The following SNTG1 variants were observed in gnomAD, a reference collection of about 807,000 sequenced individuals.
SNTG1 encodes gamma-1-syntrophin.
A neutral mutation model predicts 74.7 loss-of-function variants in SNTG1; 39 were observed. The observed-to-expected ratio is 0.52, with a 90% CI of 0.40 to 0.68. The LOEUF (loss-of-function observed/expected upper bound fraction) is 0.68. Among genes scored for constraint, SNTG1 ranks in the 30% least tolerant of loss-of-function variants. SNTG1 has a pLI of 0.00. For missense variants in SNTG1, 685 were observed against 609.5 expected (o/e 1.12, Z -1.30); for synonymous variants, 254 against 217.1 (o/e 1.17, Z -1.49).
At chr8:50,570,059 T>G (rs1371961807) in intron 12 of SNTG1, among the ~76,000 whole-genome samples, 2 of 152,020 alleles carry the variant, frequency 1.3e-5, no homozygotes, top group African/African-American at 2.4e-5. Context: ...AATAGCCTGC[T>G]TTGTAGCTTG....
intron 1 of SNTG1, among the ~76,000 whole-genome samples, chr8:50,075,654 C>G (rs1586161294): frequency 6.6e-6 from 1 of 152,154 alleles, no homozygotes; most frequent in African/African-American, 2.4e-5. Flanking sequence ...TTTGTTCTTT[C>G]AGTAAATCTT....
chr8:49,991,115 T>G (rs1323869636), intron 1 of SNTG1, among the ~76,000 whole-genome samples: 1 of 152,118 alleles, frequency 6.6e-6, no homozygotes, highest in Non-Finnish European at 1.5e-5. Flanking sequence ...ATAATTTAAC[T>G]TAAAATGGAC....
At chr8:50,284,203 T>A (rs1586954115) in intron 2 of SNTG1, among the ~76,000 whole-genome samples, 1 of 152,276 alleles carries the variant, frequency 6.6e-6, no homozygotes, top group East Asian at 1.9e-4. Context: ...TATGAATAGA[T>A]AAACATATTC....
chr8:50,739,321 A>G (rs2095537213), intron 17 of SNTG1, among the ~76,000 whole-genome samples: 1 of 152,160 alleles, frequency 6.6e-6, no homozygotes, highest in Non-Finnish European at 1.5e-5. Context: ...AAAGCTCATC[A>G]TCACTGGTCT....
At chr8:50,703,028 G>A (rs1018920105) in intron 15 of SNTG1, among the ~76,000 whole-genome samples, 2 of 152,140 alleles carry the variant, frequency 1.3e-5, no homozygotes, top group African/African-American at 4.8e-5. Flanking sequence ...TGAGTGATGA[G>A]TAAATGTGAA....
intron 1 of SNTG1, among the ~76,000 whole-genome samples, chr8:50,013,828 A>T (rs2035528): frequency 6.6e-6 from 1 of 151,904 alleles, no homozygotes; most frequent in Non-Finnish European, 1.5e-5. Flanking sequence ...CAGGGATTTT[A>T]TAAATACCCA....
Position 50,362,163 on chromosome 8 carries a change from G to A in SNTG1, c.-27-32049G>A, listed in dbSNP as rs1370901990. ...CTATGGATTTTGTAAGCCAGGGAAG[G>A]GCTTGCTACATTTTATTGTCCCCTC... On this transcript the variant is annotated intron_variant, in intron 2 of 18. Coordinates refer to ENST00000642720, the MANE Select transcript of SNTG1 (RefSeq NM_018967.5). Among the ~76,000 whole-genome samples, 4 of 152,100 alleles carry A rather than the reference G, an allele frequency of 2.6e-5. No individual in the cohort carries two copies. In the South Asian group the frequency reaches 8.3e-4, roughly 31 times the overall value.
At chr8:50,269,152 C>T (rs938325219) in intron 2 of SNTG1, among the ~76,000 whole-genome samples, 1 of 152,072 alleles carries the variant, frequency 6.6e-6, no homozygotes, top group African/African-American at 2.4e-5. Flanking sequence ...AAGAAAATAT[C>T]TTTGATATCT....
At chr8:49,925,916 A>G (rs1164109140) in intron 1 of SNTG1, among the ~76,000 whole-genome samples, 2 of 152,330 alleles carry the variant, frequency 1.3e-5, no homozygotes, top group Non-Finnish European at 1.5e-5. Context: ...ATTGTTATTC[A>G]GTAATAGAGA....
In SNTG1 at chr8:50,450,617, A is replaced by G. The variant is rs756949937; in HGVS notation, c.321+18A>G. On this transcript the variant is annotated intron_variant, in intron 7 of 18. Coordinates refer to ENST00000642720, the MANE Select transcript of SNTG1 (RefSeq NM_018967.5). The stretch of plus-strand genomic sequence containing the variant: ...TTCTACAGGTATACATTTTATCACT[A>G]TATGTGTGGTCAAAACATTAACTCA... The G allele has an allele frequency of 2.5e-6, 4 of 1,613,422 alleles. No homozygotes were observed. The highest frequency in any genetic ancestry group is 1.1e-5 in the South Asian group (1 of 91,068).
chr8:50,032,690 G>A (rs1817832393), intron 1 of SNTG1, among the ~76,000 whole-genome samples: 2 of 152,006 alleles, frequency 1.3e-5, no homozygotes, highest in South Asian at 2.1e-4. Context: ...ATACAATGTC[G>A]ACACTTTTCA....
intron 9 of SNTG1, among the ~76,000 whole-genome samples, chr8:50,513,682 G>A (rs1014591455): frequency 7.2e-5 from 11 of 152,238 alleles, no homozygotes; most frequent in Non-Finnish European, 1.5e-5. Context: ...CTAACAATGA[G>A]TGAGGCTCCG....
At chr8:50,285,576 A>G (rs1487900272) in intron 2 of SNTG1, among the ~76,000 whole-genome samples, 2 of 152,126 alleles carry the variant, frequency 1.3e-5, no homozygotes. Context: ...TGCATATATC[A>G]TGCACCAACC....
In SNTG1 at chr8:50,041,147, C is replaced by T. The variant is rs765910105; in HGVS notation, c.-103+128916C>T. Among the ~76,000 whole-genome samples the T allele has an allele frequency of 6.6e-5, 10 of 152,110 alleles. No individual in the cohort carries two copies. In the East Asian group the frequency reaches 9.6e-4, roughly 15 times the overall value. ...CCGACCTCAGATGATCCATCTGCCTCGGCCTCCCAAAGTGCTGGGATTACA... is the reference window on the plus strand; with the variant it reads ...CCGACCTCAGATGATCCATCTGCCTTGGCCTCCCAAAGTGCTGGGATTACA... On this transcript the variant is annotated intron_variant, in intron 1 of 18. Transcript: ENST00000642720.
intron 1 of SNTG1, among the ~76,000 whole-genome samples, chr8:50,080,927 A>T (rs1165955993): frequency 6.6e-6 from 1 of 152,180 alleles, no homozygotes; most frequent in African/African-American, 2.4e-5. Context: ...CTAATAAAAT[A>T]TATCAATTTT....
At chr8:49,998,803 A>T (rs1453173011) in intron 1 of SNTG1, among the ~76,000 whole-genome samples, 1 of 152,090 alleles carries the variant, frequency 6.6e-6, no homozygotes, top group Non-Finnish European at 1.5e-5. Flanking sequence ...TTTTTTAGTT[A>T]ACTATTTTTT....
At chr8:50,049,981 G>A (rs758786306) in intron 1 of SNTG1, among the ~76,000 whole-genome samples, 5 of 151,720 alleles carry the variant, frequency 3.3e-5, no homozygotes, top group Admixed American at 6.6e-5. Context: ...AAAATTTATA[G>A]CACAGAATGT....
intron 8 of SNTG1, among the ~76,000 whole-genome samples, chr8:50,455,715 A>G (rs1159149570): frequency 6.6e-6 from 1 of 152,208 alleles, no homozygotes; most frequent in Non-Finnish European, 1.5e-5. Context: ...GGAAAAAGGC[A>G]TAAATTTATA....
chr8:50,193,573 G>T (rs2083656395), intron 2 of SNTG1, among the ~76,000 whole-genome samples: 1 of 152,060 alleles, frequency 6.6e-6, no homozygotes, highest in African/African-American at 2.4e-5. Flanking sequence ...CTTTCTGGAG[G>T]AGTCCTTAGG....
Sources: gnomAD v4.1 joint callset for allele counts (sites outside exome capture counted in the v4.1 genomes callset) on GRCh38, gnomAD v4.1.1 for gene constraint, MANE v1.5 for transcripts, NCBI Gene and HGNC (gene_info 2026-07-23, HGNC 2026-07-21) for gene names.